Variants in LRMDA observed in about 807,000 individuals in gnomAD.
LRMDA encodes leucine rich melanocyte differentiation associated.
Under a neutral mutation model 29.8 loss-of-function variants are expected in LRMDA, and 18 were observed. The ratio of observed to expected loss-of-function variants is 0.60; its 90% confidence interval spans 0.42 to 0.90. The LOEUF is 0.90. Ranked by LOEUF, LRMDA falls within the 40% of genes least tolerant of loss-of-function variation. The pLI is 0.00. For missense variants in LRMDA, 273 were observed against 273.9 expected, an observed-to-expected ratio of 1.00 and a Z score of 0.02; for synonymous variants, 125 against 109.4, an observed-to-expected ratio of 1.14 and a Z score of -0.89.
chr10:76,140,245 C>T (rs1157590681), intron 5 of LRMDA, among the ~76,000 whole-genome samples: 1 of 152,082 alleles, frequency 6.6e-6, no homozygotes, highest in South Asian at 2.1e-4. Context: ...AAGGGAATTT[C>T]CATTCATGAA....
chr10:76,455,153 T>A (rs181776620), intron 6 of LRMDA, among the ~76,000 whole-genome samples: 1 of 152,232 alleles, frequency 6.6e-6, no homozygotes, highest in African/African-American at 2.4e-5. Flanking sequence ...TAAAACTGTC[T>A]GTTGCCCATT....
At chr10:76,430,178 G>A (rs775123107) in intron 6 of LRMDA, among the ~76,000 whole-genome samples, 3 of 152,054 alleles carry the variant, frequency 2.0e-5, no homozygotes, top group Non-Finnish European at 4.4e-5. Flanking sequence ...TTCTCCTCTC[G>A]TATTAGGCTA....
At chr10:76,103,522 G>A (rs1211852225) in intron 5 of LRMDA, among the ~76,000 whole-genome samples, 2 of 152,192 alleles carry the variant, frequency 1.3e-5, no homozygotes, top group Non-Finnish European at 2.9e-5. Flanking sequence ...TTTTGAACAA[G>A]GGCAGCATGA....
intron 2 of LRMDA, among the ~76,000 whole-genome samples, chr10:76,006,426 G>A (rs1847658489): frequency 6.6e-6 from 1 of 152,078 alleles, no homozygotes. Flanking sequence ...TAGTGTAGGG[G>A]GCTCTTGGAA....
At chr10:75,435,794 T>C (rs987053978) in intron 1 of LRMDA, among the ~76,000 whole-genome samples, 4 of 152,134 alleles carry the variant, frequency 2.6e-5, no homozygotes, top group African/African-American at 9.7e-5. Context: ...CCCTCTCTTT[T>C]CCCAGGCTCT....
At chr10:76,299,866 G>A (rs1416286219) in intron 5 of LRMDA, among the ~76,000 whole-genome samples, 3 of 152,132 alleles carry the variant, frequency 2.0e-5, no homozygotes, top group Admixed American at 2.0e-4. Context: ...CTCAAGCTTT[G>A]TAGGATTAAG....
chr10:75,657,825 A>C (rs990104112), intron 2 of LRMDA, among the ~76,000 whole-genome samples: 1 of 152,120 alleles, frequency 6.6e-6, no homozygotes, highest in African/African-American at 2.4e-5. Context: ...AATAGACTCT[A>C]ATAAGAAAGA....
intron 2 of LRMDA, among the ~76,000 whole-genome samples, chr10:75,556,922 C>G (rs1030691528): frequency 6.6e-6 from 1 of 151,742 alleles, no homozygotes; most frequent in African/African-American, 2.4e-5. Flanking sequence ...CTAAAAAATA[C>G]TTCAAAATTC....
chr10:76,040,824 C>T (rs1848328463), intron 3 of LRMDA, among the ~76,000 whole-genome samples: 2 of 152,346 alleles, frequency 1.3e-5, no homozygotes, highest in South Asian at 2.1e-4. Context: ...CACACTTCAT[C>T]TTCTGTCTCC....
chr10:76,348,211 G>T (rs754695720), intron 6 of LRMDA, among the ~76,000 whole-genome samples: 16 of 152,162 alleles, frequency 1.1e-4, no homozygotes, highest in Admixed American at 7.2e-4. Context: ...GGCTTCTTCT[G>T]GGCCACTGAG....
intron 5 of LRMDA, among the ~76,000 whole-genome samples, chr10:76,212,268 T>TA (rs201037683): frequency 0.021 from 2,276 of 108,022 alleles, 54 homozygotes; most frequent in African/African-American, 0.055. Context: ...CACACACACA[T>TA]AAAAAAAAAA....
intron 2 of LRMDA, among the ~76,000 whole-genome samples, chr10:75,854,401 G>A (rs1844786324): frequency 6.6e-6 from 1 of 151,790 alleles, no homozygotes; most frequent in Non-Finnish European, 1.5e-5. Flanking sequence ...ATTAATATTG[G>A]CCACCCCCCA....
chr10:76,460,071 G>A (rs1320436825), intron 6 of LRMDA, among the ~76,000 whole-genome samples: 1 of 152,210 alleles, frequency 6.6e-6, no homozygotes, highest in Non-Finnish European at 1.5e-5. Context: ...GGTGTTCAAA[G>A]CCTTTCATAA....
intron 6 of LRMDA, among the ~76,000 whole-genome samples, chr10:76,329,839 CTG>C (rs564715974): frequency 2.4e-3 from 361 of 152,234 alleles, no homozygotes; most frequent in Admixed American, 3.7e-3. Flanking sequence ...GAAAGAAAAA[CTG>C]TGTTTTTTTA....
intron 2 of LRMDA, among the ~76,000 whole-genome samples, chr10:75,700,316 A>G (rs1301298273): frequency 6.6e-6 from 1 of 151,524 alleles, no homozygotes; most frequent in Non-Finnish European, 1.5e-5. Flanking sequence ...AAGCATCATT[A>G]TATGACATCT....
intron 6 of LRMDA, chr10:76,433,858 G>GGGCGACTTGGGCGC: frequency 6.6e-6 from 1 of 152,182 alleles, no homozygotes; most frequent in South Asian, 2.1e-4. Context: ...TGTAACCAGG[G>GGGCGACTTGGGCGC]TGACTTGGGC....
At chr10:75,505,020 A>G (rs757455721) in intron 2 of LRMDA, among the ~76,000 whole-genome samples, 1 of 152,160 alleles carries the variant, frequency 6.6e-6, no homozygotes, top group Admixed American at 6.5e-5. Flanking sequence ...ATACAGATTA[A>G]CATCAGAAGA....
At chr10:75,660,704 G>GT (rs555512385) in intron 2 of LRMDA, among the ~76,000 whole-genome samples, 4,956 of 145,772 alleles carry the variant, frequency 0.034, 248 homozygotes, top group African/African-American at 0.11. Context: ...TGTTCACCAT[G>GT]TTTTTTTTTT....
intron 2 of LRMDA, among the ~76,000 whole-genome samples, chr10:75,706,977 C>T (rs1184752074): frequency 1.3e-5 from 2 of 152,162 alleles, no homozygotes; most frequent in African/African-American, 4.8e-5. Flanking sequence ...GGAACTTAAG[C>T]TTTTGTAGTG....
Sources: gnomAD v4.1 joint callset for allele counts (sites outside exome capture counted in the v4.1 genomes callset) on GRCh38, gnomAD v4.1.1 for gene constraint, MANE v1.5 for transcripts, NCBI Gene and HGNC (gene_info 2026-07-23, HGNC 2026-07-21) for gene names.